The following C12orf42 variants were observed in gnomAD, a reference collection of about 807,000 sequenced individuals.
C12orf42 encodes the protein uncharacterized protein C12orf42.
Under a neutral mutation model 21.6 loss-of-function variants are expected in C12orf42, and 25 were observed. The observed-to-expected ratio is 1.16, with a 90% CI of 0.84 to 1.62. C12orf42 has a LOEUF of 1.62. Ranked by LOEUF, C12orf42 falls within the 40% of genes most tolerant of loss-of-function variation. C12orf42 has a pLI of 0.00. For synonymous variants in C12orf42, 174 were observed against 175.0 expected (o/e 0.99, Z 0.05); for missense variants, 483 against 459.3 (o/e 1.05, Z -0.47).
At chr12:103,191,808 T>C in the C12orf42 span, among the ~76,000 whole-genome samples, 3 of 149,294 alleles carry the variant, frequency 2.0e-5, no homozygotes, top group Admixed American at 2.0e-4. Context: ...AATTGGTTAA[T>C]AAATGGATAT....
chr12:103,320,306 C>A (rs1229531884), intron 4 of C12orf42, among the ~76,000 whole-genome samples: 1 of 152,168 alleles, frequency 6.6e-6, no homozygotes, highest in African/African-American at 2.4e-5. Flanking sequence ...AACATGTAAT[C>A]ATTACACCAA....
intron 3 of C12orf42, among the ~76,000 whole-genome samples, chr12:103,380,775 C>A (rs1230738969): frequency 6.6e-6 from 1 of 152,120 alleles, no homozygotes; most frequent in African/African-American, 2.4e-5. Flanking sequence ...TGCTACAGAC[C>A]AGGCACTGTT....
the C12orf42 span, chr12:103,503,680 G>T: frequency 1.3e-5 from 2 of 153,522 alleles, no homozygotes; most frequent in South Asian, 3.8e-4. Flanking sequence ...GGTGCTGCAG[G>T]AGCAGACGAG....
chr12:103,285,827 T>C (rs1019374120), intron 4 of C12orf42, among the ~76,000 whole-genome samples: 6 of 152,224 alleles, frequency 3.9e-5, no homozygotes, highest in Admixed American at 6.5e-5. Context: ...TATAAATTTA[T>C]TCACATAAAA....
intron 10 of C12orf42, among the ~76,000 whole-genome samples, chr12:103,247,906 A>G (rs1184240614): frequency 6.6e-6 from 1 of 152,044 alleles, no homozygotes; most frequent in Non-Finnish European, 1.5e-5. Context: ...ACCCTTTTAC[A>G]TGGATGCCAT....
At chr12:103,296,395 G>A (rs2037288220) in intron 4 of C12orf42, among the ~76,000 whole-genome samples, 1 of 152,026 alleles carries the variant, frequency 6.6e-6, no homozygotes, top group Non-Finnish European at 1.5e-5. Flanking sequence ...GAGATGGCTG[G>A]GTCAAATGGT....
intron 5 of C12orf42, 105 bp from the exon 6 acceptor site, chr12:103,302,664 G>T: frequency 3.7e-6 from 3 of 804,098 alleles, no homozygotes; most frequent in Non-Finnish European, 5.5e-6. Context: ...CATTTGTAAT[G>T]TGCTCAGAGG....
chr12:103,481,978 A>C (rs111805674), intron 1 of C12orf42, among the ~76,000 whole-genome samples: 2,241 of 152,148 alleles, frequency 0.015, 67 homozygotes, highest in African/African-American at 0.051. Flanking sequence ...TTGTAAATAA[A>C]ACAAGGTTCT....
At chr12:103,148,248 G>A in the C12orf42 span, among the ~76,000 whole-genome samples, 2 of 152,076 alleles carry the variant, frequency 1.3e-5, no homozygotes, top group East Asian at 3.9e-4. Context: ...CAATTAAAAG[G>A]CCTTACTAAT....
chr12:103,217,789 C>A, the C12orf42 span, among the ~76,000 whole-genome samples: 1 of 152,084 alleles, frequency 6.6e-6, no homozygotes, highest in African/African-American at 2.4e-5. Context: ...TTGCTCACAG[C>A]CTTTCCTTCC....
chr12:103,388,317 G>A (rs1159200532), intron 3 of C12orf42, among the ~76,000 whole-genome samples: 1 of 152,008 alleles, frequency 6.6e-6, no homozygotes, highest in Non-Finnish European at 1.5e-5. Context: ...AGATGGGTGG[G>A]GTCAGTGCCT....
chr12:103,193,492 A>G, the C12orf42 span, among the ~76,000 whole-genome samples: 266 of 152,096 alleles, frequency 1.7e-3, no homozygotes, highest in African/African-American at 5.9e-3. Flanking sequence ...GAAGCAATTA[A>G]ATGAAATATG....
intron 4 of C12orf42, among the ~76,000 whole-genome samples, chr12:103,348,690 A>G (rs1648128071): frequency 6.6e-6 from 1 of 152,200 alleles, no homozygotes; most frequent in Non-Finnish European, 1.5e-5. Flanking sequence ...CCTTAATGGT[A>G]TACAGAAGAC....
At chr12:103,349,913 G>C (rs185164007) in intron 4 of C12orf42, among the ~76,000 whole-genome samples, 17 of 152,172 alleles carry the variant, frequency 1.1e-4, no homozygotes, top group Admixed American at 7.2e-4. Context: ...AGTAAGTATA[G>C]TCCACAAAAT....
chr12:103,336,231 T>C (rs1593487655), intron 4 of C12orf42, among the ~76,000 whole-genome samples: 1 of 152,360 alleles, frequency 6.6e-6, no homozygotes, highest in Non-Finnish European at 1.5e-5. Flanking sequence ...ATTAGTATTG[T>C]TGCTATCACT....
the C12orf42 span, among the ~76,000 whole-genome samples, chr12:103,147,493 C>CTTTTTTTTTTTTT: frequency 1.2e-5 from 1 of 84,988 alleles, no homozygotes. Flanking sequence ...TTCTTTTTTT[C>CTTTTTTTTTTTTT]TTTTTTTTTC....
chr12:103,372,989 A>G (rs2045392484), intron 3 of C12orf42, among the ~76,000 whole-genome samples: 1 of 152,198 alleles, frequency 6.6e-6, no homozygotes, highest in Admixed American at 6.6e-5. Flanking sequence ...CACAGTCCAT[A>G]TCATGGACCA....
At chr12:103,254,957 T>A (rs1258085826) in intron 10 of C12orf42, among the ~76,000 whole-genome samples, 1 of 152,236 alleles carries the variant, frequency 6.6e-6, no homozygotes, top group Admixed American at 6.5e-5. Flanking sequence ...AAATGTTTCA[T>A]GCATCCTTCA....
At chr12:103,367,534 C>T (rs972583138) in intron 4 of C12orf42, among the ~76,000 whole-genome samples, 27 of 151,682 alleles carry the variant, frequency 1.8e-4, no homozygotes, top group African/African-American at 6.3e-4. Flanking sequence ...CTCCAAGATA[C>T]AGTGATAAGT....
Sources: allele counts gnomAD v4.1 joint callset (sites outside exome capture counted in the v4.1 genomes callset), GRCh38; gene constraint gnomAD v4.1.1; transcripts MANE v1.5; gene names NCBI Gene and HGNC (gene_info 2026-07-23, HGNC 2026-07-21).